The following TGFBRAP1 variants were observed in gnomAD, a reference collection of about 807,000 sequenced individuals.
TGFBRAP1 encodes transforming growth factor-beta receptor-associated protein 1.
Under a neutral mutation model 83.2 loss-of-function variants are expected in TGFBRAP1, and 20 were observed. The observed-to-expected ratio is 0.24, with a 90% CI of 0.17 to 0.35. TGFBRAP1 has a LOEUF of 0.35. Ranked by LOEUF, TGFBRAP1 falls within the 10% of genes least tolerant of loss-of-function variation. The probability of loss-of-function intolerance (pLI) is 1.00; values close to 1 mark genes in which losing one functional copy is unlikely to be tolerated. For missense variants in TGFBRAP1, 950 were observed against 1,099.4 expected, an observed-to-expected ratio of 0.86 and a Z score of 1.92; for synonymous variants, 415 against 459.8, an observed-to-expected ratio of 0.90 and a Z score of 1.25.
At chr2:105,287,771 C>A (rs1399066045) in intron 4 of TGFBRAP1, among the ~76,000 whole-genome samples, 1 of 152,078 alleles carries the variant, frequency 6.6e-6, no homozygotes, top group East Asian at 1.9e-4. Context: ...TAACTTTTTC[C>A]ATCACCTTCC....
chr2:105,260,897 A>G (rs17687841), downstream of TGFBRAP1, among the ~76,000 whole-genome samples: 412 of 152,336 alleles, frequency 2.7e-3, 1 homozygote, highest in Non-Finnish European at 4.5e-3. Flanking sequence ...GTTTCTGACT[A>G]TGTTTACTCA....
At chr2:105,268,773 G>GGCC (rs1677036185) in intron 11 of TGFBRAP1, among the ~76,000 whole-genome samples, 1 of 152,248 alleles carries the variant, frequency 6.6e-6, no homozygotes, top group Non-Finnish European at 1.5e-5. Context: ...CCGAAGGTGA[G>GGCC]TACAGTGTGG....
In TGFBRAP1 at chr2:105,314,811, G is replaced by A. The variant is rs372855076; in HGVS notation, c.-17-6493C>T. On this transcript the variant is annotated intron_variant, in intron 1 of 11. Coordinates refer to ENST00000393359, the MANE Select transcript of TGFBRAP1 (RefSeq NM_004257.6). ...TAAAAATACAAAAAATTAGCCAGGC[G>A]TGGTGGCAGGCACCTGTAATCCCAG... Among the ~76,000 whole-genome samples, 30 of 151,634 alleles carry A rather than the reference G, an allele frequency of 2.0e-4. 1 individual carries two copies. In the East Asian group the frequency reaches 4.0e-3, roughly 20 times the overall value.
chr2:105,269,800 A>G lies in TGFBRAP1; in HGVS notation c.1973-95T>C. ...TGCTGCTCTGGGCTTCAGGAGGGGA[A>G]AAGTCAACCTGGCTCCCTCACAATG... is the stretch of plus-strand genomic sequence containing the variant. On this transcript the variant is annotated intron_variant, in intron 10 of 11. Coordinates refer to ENST00000393359, the MANE Select transcript of TGFBRAP1 (RefSeq NM_004257.6). The surrounding 1 kb of genome is among the most constrained non-coding windows in gnomAD (Gnocchi z 4.1). 7.4e-7 allele frequency: 1 copy of G among 1,348,128 alleles called. No individual in the cohort carries two copies. The highest frequency in any genetic ancestry group is 9.7e-7 in the Non-Finnish European group (1 of 1,028,726). 83.5% of individuals were successfully genotyped at this position (1,348,128 alleles called of 1,614,324 possible).
chr2:105,261,527 G>A (rs1676786340), downstream of TGFBRAP1, among the ~76,000 whole-genome samples: 1 of 152,132 alleles, frequency 6.6e-6, no homozygotes, highest in Non-Finnish European at 1.5e-5. Flanking sequence ...CGAGGTAGGA[G>A]GATCACTTAA....
At position 105,302,086 on chromosome 2, in the gene TGFBRAP1, C is replaced by T. The variant is rs564100400; in HGVS notation, c.689-3381G>A. Reference sequence around the variant, plus strand: ...GGAAGAAATGTAAATGGCTTTTAAACGTGAAAAATGTTCAACCATGCACAT... The same window carrying T: ...GGAAGAAATGTAAATGGCTTTTAAATGTGAAAAATGTTCAACCATGCACAT... On this transcript the variant is annotated intron_variant, in intron 2 of 11. Transcript: ENST00000393359. 1.5e-4 allele frequency among the ~76,000 whole-genome samples: 22 copies of T among 142,796 alleles called. No homozygotes were observed. The East Asian group carries it at 3.3e-3, about 21-fold the overall frequency. 93.7% of individuals were successfully genotyped at this position (142,796 alleles called of 152,430 possible).
At position 105,275,601 on chromosome 2, in the gene TGFBRAP1, C is replaced by T. The variant is rs745630842; in HGVS notation, c.1624G>A (p.Val542Met). Residue 542 changes from valine (V) to methionine (M), a missense_variant, in exon 8 of 12, where the codon GTG (valine) becomes ATG (methionine). Val to Met is a conservative substitution (Grantham distance 21). Coordinates refer to ENST00000393359, the MANE Select transcript of TGFBRAP1 (RefSeq NM_004257.6). ...AGGACCCAATCAGCATAGGCCCACACTAGTTCCTCGTCTAAGCAGTAGGTA... is the reference window on the plus strand; with the variant it reads ...AGGACCCAATCAGCATAGGCCCACATTAGTTCCTCGTCTAAGCAGTAGGTA... Reference protein sequence around the residue: ...FLTYCLDEELVWAYADWVLQK... With the variant: ...FLTYCLDEELMWAYADWVLQK... 3 of 1,614,060 alleles carry T rather than the reference C, an allele frequency of 1.9e-6. No homozygotes were observed. The highest frequency in any genetic ancestry group is 1.7e-6 in the Non-Finnish European group (2 of 1,180,052).
Position 105,279,430 on chromosome 2 carries a change from T to C in TGFBRAP1, c.1463+952A>G, listed in dbSNP as rs1218664991. Reference sequence around the variant, plus strand: ...GAACCACCACACCCAGCTAATTTCTTCTTAATTTTTAGTAAAGACAAGATC... The same window carrying C: ...GAACCACCACACCCAGCTAATTTCTCCTTAATTTTTAGTAAAGACAAGATC... On this transcript the variant is annotated intron_variant, in intron 6 of 11. Transcript: ENST00000393359. Among the ~76,000 whole-genome samples, 5 of 152,080 alleles carry C rather than the reference T, an allele frequency of 3.3e-5. No homozygotes were observed. In the East Asian group the frequency reaches 7.8e-4, roughly 24 times the overall value.
In TGFBRAP1 at chr2:105,264,857, A is replaced by G. The variant is rs886950275; in HGVS notation, c.*2526T>C. 3 of 152,376 alleles carry G rather than the reference A, an allele frequency of 2.0e-5. No individual in the cohort carries two copies. Among genetic ancestry groups the G allele is most frequent in the South Asian group, 2.1e-4 (1 of 4,830 alleles). The allele number at this position is 152,376 out of a possible 1,614,324, so 9.4% of individuals were successfully genotyped here. On this transcript the variant is annotated 3_prime_UTR_variant, in exon 12 of 12. Coordinates refer to ENST00000393359, the MANE Select transcript of TGFBRAP1 (RefSeq NM_004257.6). Reference sequence around the variant, plus strand: ...ATGCTGTTTTAACCAGAATGGTTCCACTGAACCTAATGAGGGGAAAAAGGT... The same window carrying G: ...ATGCTGTTTTAACCAGAATGGTTCCGCTGAACCTAATGAGGGGAAAAAGGT...
rs765926055 is a variant in TGFBRAP1, at chr2:105,296,415, C to T, written c.979G>A (p.Glu327Lys). Residue 327 changes from glutamate to lysine, a missense_variant, in exon 4 of 12, where the codon GAA becomes AAA. Coordinates refer to ENST00000393359, the MANE Select transcript of TGFBRAP1 (RefSeq NM_004257.6). The stretch of plus-strand genomic sequence containing the variant: ...CCTTTTGCTAAAACCAAAGCCTCTT[C>T]TACTCTGCGGCTTGCTAGAAGATCC... The part of the protein sequence containing the change: ...IQDLLASRRV[E>K]EALVLAKGAR... 9 of 1,614,154 alleles carry T rather than the reference C, an allele frequency of 5.6e-6. No individual in the cohort carries two copies. The Admixed American group carries it at 6.7e-5, about 12-fold the overall frequency.
intron 4 of TGFBRAP1, among the ~76,000 whole-genome samples, chr2:105,293,833 A>T (rs560942889): frequency 6.6e-6 from 1 of 152,282 alleles, no homozygotes; most frequent in African/African-American, 2.4e-5. Context: ...TGGTATTAAA[A>T]GGGAAGAACC....
chr2:105,277,538 AT>A (rs534534270), intron 7 of TGFBRAP1, 75 bp downstream of exon 7: 29 of 1,476,184 alleles, frequency 2.0e-5, no homozygotes, highest in African/African-American at 8.3e-5. Flanking sequence ...CAACTTGTGA[AT>A]TTTTTTTAAG....
downstream of TGFBRAP1, chr2:105,264,327 T>C (rs1676850981): frequency 6.6e-6 from 1 of 152,168 alleles, no homozygotes; most frequent in Non-Finnish European, 1.5e-5. Flanking sequence ...GCAACTCAAG[T>C]CCTCTGTAGG....
chr2:105,294,799 T>G (rs937340069), intron 4 of TGFBRAP1, among the ~76,000 whole-genome samples: 10 of 152,200 alleles, frequency 6.6e-5, no homozygotes, highest in African/African-American at 2.4e-4. Context: ...AAAAATCAGA[T>G]ACACAGCATT....
At position 105,264,549 on chromosome 2, in the gene TGFBRAP1, GGACAAAGGTTTCTGT is replaced by G. The variant is rs1676857424; in HGVS notation, c.*2819_*2833del. On this transcript the variant is annotated 3_prime_UTR_variant, in exon 12 of 12. Transcript: ENST00000393359. ...ATCGGGACAAAGGATAAAGTTGCAA[GGACAAAGGTTTCTGT>G]GGGAGAGCAAGCAAAAAGCAAGGGC... 1 of 152,252 alleles carries G rather than the reference GGACAAAGGTTTCTGT, an allele frequency of 6.6e-6. No homozygotes were observed. The highest frequency in any genetic ancestry group is 2.1e-4 in the South Asian group (1 of 4,836). The allele number at this position is 152,252 out of a possible 1,614,324, so 9.4% of individuals were successfully genotyped here.
At chr2:105,301,060 C>T (rs1303792350) in intron 2 of TGFBRAP1, among the ~76,000 whole-genome samples, 1 of 151,858 alleles carries the variant, frequency 6.6e-6, no homozygotes, top group Non-Finnish European at 1.5e-5. Context: ...CCGGTTGCTA[C>T]AAAAACTACA....
chr2:105,294,815 C>G (rs536071057), intron 4 of TGFBRAP1, among the ~76,000 whole-genome samples: 8 of 152,296 alleles, frequency 5.3e-5, no homozygotes, highest in African/African-American at 1.9e-4. Context: ...GCATTGAAAG[C>G]CTCTGTAAGA....
rs3060066 is a variant in TGFBRAP1 at position 105,294,307 on chromosome 2, GGT to G, written c.1038+2047_1038+2048del. Among the ~76,000 whole-genome samples, 488 of 147,952 alleles carry G rather than the reference GGT, an allele frequency of 3.3e-3. 2 individuals carry two copies. Among genetic ancestry groups the G allele is most frequent in the South Asian group, 8.4e-3 (39 of 4,630 alleles). Reference sequence around the variant, plus strand: ...TAGGCATGTGCTTCATAGGAGTGAGGGTGTGTGTGTGTGTGTGTGTGTGTGTG... The same window carrying G: ...TAGGCATGTGCTTCATAGGAGTGAGGGTGTGTGTGTGTGTGTGTGTGTGTG... On this transcript the variant is annotated intron_variant, in intron 4 of 11. Transcript: ENST00000393359.
In TGFBRAP1 at chr2:105,265,442, C is replaced by G. The variant is rs1258089406; in HGVS notation, c.*1941G>C. The G allele has an allele frequency of 6.6e-6, 1 of 152,438 alleles. No individual in the cohort carries two copies. Among genetic ancestry groups the G allele is most frequent in the Non-Finnish European group, 1.5e-5 (1 of 68,044 alleles). 9.4% of individuals were successfully genotyped at this position (152,438 alleles called of 1,614,324 possible). A position where few individuals can be genotyped will look rare whatever the true frequency, so the allele number is the denominator to read the frequency against. ...CGAGATTGCGCCACTGCACTCCAGC[C>G]TGGGTGACAGAGTGAGACTCTGTCT... On this transcript the variant is annotated 3_prime_UTR_variant, in exon 12 of 12. Coordinates refer to ENST00000393359, the MANE Select transcript of TGFBRAP1 (RefSeq NM_004257.6).
Sources: gnomAD v4.1 joint callset for allele counts (sites outside exome capture counted in the v4.1 genomes callset) on GRCh38, gnomAD v4.1.1 for gene constraint, Gnocchi (gnomAD v3.1) non-coding constraint, MANE v1.5 for transcripts, NCBI Gene and HGNC (gene_info 2026-07-23, HGNC 2026-07-21) for gene names.